Variants in TPM3 observed in about 807,000 individuals in gnomAD.
TPM3 encodes tropomyosin alpha-3 chain.
In TPM3, 16 loss-of-function variants were observed where a neutral mutation model predicts 43.1. The observed-to-expected ratio is 0.37, with a 90% CI of 0.25 to 0.56. The LOEUF (loss-of-function observed/expected upper bound fraction) is 0.56, where lower values mean the gene tolerates loss of function less well. Ranked by LOEUF, TPM3 falls within the 20% of genes least tolerant of loss-of-function variation. The probability of loss-of-function intolerance (pLI) is 0.77; values close to 1 mark genes in which losing one functional copy is unlikely to be tolerated. For synonymous variants in TPM3, 101 were observed against 116.9 expected (o/e 0.86, Z 0.88); for missense variants, 176 against 337.2 (o/e 0.52, Z 3.74).
In TPM3 at chr1:154,176,101, G is replaced by T. The variant is rs1476157893; in HGVS notation, c.377+14C>A. 2 of 1,612,690 alleles carry T rather than the reference G, an allele frequency of 1.2e-6. No homozygotes were observed. ...ACTTTTAAAATCCACACTCCATCAG[G>T]CTTCCCTACACACCTCTCACTCTCA... On this transcript the variant is annotated intron_variant, in intron 3 of 9. Transcript: ENST00000651641.
downstream of TPM3, among the ~76,000 whole-genome samples, chr1:154,160,051 A>G (rs1250797699): frequency 1.4e-5 from 2 of 143,618 alleles, no homozygotes; most frequent in Non-Finnish European, 3.0e-5. Context: ...AGCATTCCTG[A>G]TACAAGCAGC....
chr1:154,172,473 G>A, intron 5 of TPM3: 1 of 505,900 alleles, frequency 2.0e-6, no homozygotes, highest in Non-Finnish European at 4.0e-6. Flanking sequence ...GCCCAGGCTG[G>A]CCTCCAACTC....
At position 154,176,571 on chromosome 1, in the gene TPM3, C is replaced by G. The variant is rs146977999; in HGVS notation, c.244-323G>C. Among the ~76,000 whole-genome samples the G allele has an allele frequency of 2.3e-3, 330 of 143,032 alleles. 5 individuals are homozygous for G. Among genetic ancestry groups the G allele is most frequent in the African/African-American group, 8.3e-3 (314 of 38,028 alleles). The allele number at this position is 143,032 out of a possible 152,430, so 93.8% of individuals were successfully genotyped here. On this transcript the variant is annotated intron_variant, in intron 2 of 9. Coordinates refer to ENST00000651641, the MANE Select transcript of TPM3 (RefSeq NM_152263.4). ...ACACACTGGAGTCAGAAAAGAAAGT[C>G]AATGAAGGGTTCCTTCTGCCTGAGC...
At chr1:154,170,137 A>G (rs887008441) in intron 8 of TPM3, 11 of 480,964 alleles carry the variant, frequency 2.3e-5, no homozygotes, top group African/African-American at 2.2e-4. Context: ...AGGTAAATGC[A>G]GCCATTATCA....
rs1045572915 is a variant in TPM3 at position 154,166,435 on chromosome 1, G to A, written c.*1502C>T. 4 of 727,876 alleles carry A rather than the reference G, an allele frequency of 5.5e-6. No homozygotes were observed. The highest frequency in any genetic ancestry group is 7.0e-6 in the Non-Finnish European group (4 of 573,328). 45.1% of individuals were successfully genotyped at this position (727,876 alleles called of 1,614,324 possible). A position where few individuals can be genotyped will look rare whatever the true frequency, so the allele number is the denominator to read the frequency against. On this transcript the variant is annotated 3_prime_UTR_variant, in exon 10 of 10. Transcript: ENST00000651641. ...ACCATACTGATGCCAAATTTAGTGA[G>A]GACATCTGACCTGCATAGCACACTA... is the stretch of plus-strand genomic sequence containing the variant.
chr1:154,188,211 A>G (rs995660863), intron 2 of TPM3, among the ~76,000 whole-genome samples: 6 of 151,392 alleles, frequency 4.0e-5, no homozygotes, highest in Admixed American at 6.6e-5. Context: ...ACATGCCACC[A>G]CACCTGGCTA....
At chr1:154,184,197 C>CTAATTTTTTTTTT (rs1663282701) in intron 2 of TPM3, among the ~76,000 whole-genome samples, 1 of 151,918 alleles carries the variant, frequency 6.6e-6, no homozygotes, top group Non-Finnish European at 1.5e-5. Context: ...CCACGCCCGG[C>CTAATTTTTTTTTT]TAATTTTTTT....
downstream of TPM3, among the ~76,000 whole-genome samples, chr1:154,159,504 T>C (rs1185363760): frequency 6.6e-6 from 1 of 152,174 alleles, no homozygotes; most frequent in African/African-American, 2.4e-5. Flanking sequence ...CTGGGAGAAA[T>C]ATCCCCACAC....
chr1:154,188,990 G>A (rs1314777612), intron 2 of TPM3, among the ~76,000 whole-genome samples: 1 of 151,326 alleles, frequency 6.6e-6, no homozygotes, highest in Non-Finnish European at 1.5e-5. Context: ...AAATTACCCG[G>A]GCATGGTGGC....
chr1:154,156,396 A>C (rs1427673559), downstream of TPM3: 1 of 187,758 alleles, frequency 5.3e-6, no homozygotes, highest in African/African-American at 2.3e-5. Context: ...TCAAAAAGAC[A>C]CTTGTCAATA....
rs1049216506 is a variant in TPM3 at position 154,163,403 on chromosome 1, CT to C, written c.*4533del. Among the ~76,000 whole-genome samples the C allele has an allele frequency of 4.6e-5, 7 of 152,154 alleles. No individual in the cohort carries two copies. The highest frequency in any genetic ancestry group is 1.0e-4 in the Non-Finnish European group (7 of 68,028). Reference sequence around the variant, plus strand: ...TATATAATCTTCCTACCAATACACTCTTTTGCCCCTGAAAATGACTCCTCCT... The same window carrying C: ...TATATAATCTTCCTACCAATACACTCTTTGCCCCTGAAAATGACTCCTCCT... On this transcript the variant is annotated 3_prime_UTR_variant, in exon 10 of 10. Transcript: ENST00000651641.
rs1343190944 is a variant in TPM3 at position 154,163,823 on chromosome 1, C to T, written c.*4114G>A. 1.3e-5 allele frequency among the ~76,000 whole-genome samples: 2 copies of T among 151,988 alleles called. No individual in the cohort carries two copies. Among genetic ancestry groups the T allele is most frequent in the Admixed American group, 1.3e-4 (2 of 15,232 alleles). The stretch of plus-strand genomic sequence containing the variant: ...TAATTTTTTGTATTTTTAGTAGAGA[C>T]GGGGTTTCAACGTGTCAGCCAGGAT... On this transcript the variant is annotated 3_prime_UTR_variant, in exon 10 of 10. Coordinates refer to ENST00000651641, the MANE Select transcript of TPM3 (RefSeq NM_152263.4).
In TPM3 at chr1:154,173,186, A is replaced by G; in HGVS notation, c.393T>C (p.Ile131=). The G allele has an allele frequency of 6.2e-7, 1 of 1,613,820 alleles. No homozygotes were observed. Residue 131 remains isoleucine, a synonymous_variant, in exon 4 of 10, where the codon ATT becomes ATC. Transcript: ENST00000651641. Reference sequence around the variant, plus strand: ...CTTCATCTTTTAAGGCCCGGTTTTCAATAACCTTCATACCTCTGCCAGAAA... The same window carrying G: ...CTTCATCTTTTAAGGCCCGGTTTTCGATAACCTTCATACCTCTGCCAGAAA... The part of the protein sequence containing the change: ...ADESERGMKV[I]ENRALKDEEK...
chr1:154,180,331 G>GA (rs1662807935), intron 2 of TPM3, among the ~76,000 whole-genome samples: 1 of 152,122 alleles, frequency 6.6e-6, no homozygotes, highest in Non-Finnish European at 1.5e-5. Flanking sequence ...CGCTCCAGAG[G>GA]AGGGAGGAGT....
chr1:154,159,034 G>A (rs1660090116), downstream of TPM3: 2 of 780,554 alleles, frequency 2.6e-6, no homozygotes, highest in African/African-American at 1.7e-5. Context: ...CGCTCAAGTT[G>A]GCTGTAGAGA....
chr1:154,185,481 A>G (rs1415598143), intron 2 of TPM3, among the ~76,000 whole-genome samples: 1 of 151,098 alleles, frequency 6.6e-6, no homozygotes, highest in African/African-American at 2.5e-5. Flanking sequence ...CAGGAGTTCA[A>G]GACCAGCCTG....
Position 154,166,644 on chromosome 1 carries a change from T to C in TPM3, c.*1293A>G. ...TGCTTGGATTAGTATAATTCACAGCTATACTATTAAGAAATCTCTGCTGTG... is the reference window on the plus strand; with the variant it reads ...TGCTTGGATTAGTATAATTCACAGCCATACTATTAAGAAATCTCTGCTGTG... On this transcript the variant is annotated 3_prime_UTR_variant, in exon 10 of 10. Transcript: ENST00000651641. 1 of 1,034,626 alleles carries C rather than the reference T, an allele frequency of 9.7e-7. No individual in the cohort carries two copies. Among genetic ancestry groups the C allele is most frequent in the Non-Finnish European group, 1.2e-6 (1 of 859,938 alleles). 64.1% of individuals were successfully genotyped at this position (1,034,626 alleles called of 1,614,324 possible).
rs189181748 is a variant in TPM3, at chr1:154,162,152, C to T, written c.*5785G>A. ...TTGGAAGGCCGAGGCGGGCAGATCACGAGGTCAGGAGTTTGAGATCAGCCT... is the reference window on the plus strand; with the variant it reads ...TTGGAAGGCCGAGGCGGGCAGATCATGAGGTCAGGAGTTTGAGATCAGCCT... On this transcript the variant is annotated 3_prime_UTR_variant, in exon 10 of 10. Transcript: ENST00000651641. Among the ~76,000 whole-genome samples the T allele has an allele frequency of 2.3e-3, 346 of 151,952 alleles. 2 individuals carry two copies. Among genetic ancestry groups the T allele is most frequent in the Middle Eastern group, 0.017 (5 of 294 alleles).
intron 2 of TPM3, among the ~76,000 whole-genome samples, chr1:154,189,798 CAAA>C (rs1167349462): frequency 9.1e-5 from 4 of 43,842 alleles, no homozygotes; most frequent in Admixed American, 2.5e-4. Context: ...AACCCTGTCT[CAAA>C]AAAAAAAAAA....
Sources: allele counts gnomAD v4.1 joint callset (sites outside exome capture counted in the v4.1 genomes callset), GRCh38; gene constraint gnomAD v4.1.1; transcripts MANE v1.5; gene names NCBI Gene and HGNC (gene_info 2026-07-23, HGNC 2026-07-21).